The following NIPSNAP2 variants were observed in gnomAD, a reference collection of about 807,000 sequenced individuals.
NIPSNAP2 encodes the protein nipsnap homolog 2, also known as protein NipSnap homolog 2.
NIPSNAP2 carries 42 observed loss-of-function variants against 48.4 expected under a neutral mutation model. That is an observed-to-expected ratio of 0.87 (90% CI 0.68 to 1.12). NIPSNAP2 has a LOEUF of 1.12. NIPSNAP2 is among the 50% of genes most tolerant of loss of function. The probability of loss-of-function intolerance (pLI) is 0.00; values close to 1 mark genes in which losing one functional copy is unlikely to be tolerated. For missense variants in NIPSNAP2, 314 were observed against 347.3 expected (o/e 0.90, Z 0.76); for synonymous variants, 158 against 126.6 (o/e 1.25, Z -1.67).
chr7:55,981,953 C>G, intron 4 of NIPSNAP2: 1 of 328,578 alleles, frequency 3.0e-6, no homozygotes, highest in Non-Finnish European at 5.7e-6. Context: ...AATACAGGTG[C>G]CCACCACCAC....
At chr7:55,970,668 C>T (rs1434242387) in intron 1 of NIPSNAP2, among the ~76,000 whole-genome samples, 1 of 152,084 alleles carries the variant, frequency 6.6e-6, no homozygotes, top group South Asian at 2.1e-4. Flanking sequence ...AGAATAAAGT[C>T]GCCCTCGCCT....
chr7:55,984,764 A>C (rs559014068), intron 6 of NIPSNAP2, 83 bp from the exon 7 acceptor site: 8 of 1,106,848 alleles, frequency 7.2e-6, no homozygotes, highest in Non-Finnish European at 1.1e-5. Context: ...TTGTCACTTA[A>C]TGTTTTTTCT....
At position 55,964,622 on chromosome 7, in the gene NIPSNAP2, G is replaced by A. The variant is rs990658086; in HGVS notation, c.13G>A (p.Val5Met). 5 of 1,051,672 alleles carry A rather than the reference G, an allele frequency of 4.8e-6. No homozygotes were observed. The highest frequency in any genetic ancestry group is 5.7e-6 in the Non-Finnish European group (5 of 874,390). The allele number at this position is 1,051,672 out of a possible 1,614,324, so 65.1% of individuals were successfully genotyped here. The change falls in exon 1 of 10, where the codon GTG (valine) becomes ATG (methionine). Residue 5 changes from valine to methionine, a missense_variant. Val to Met is a conservative substitution (Grantham distance 21, BLOSUM62 1). Coordinates refer to ENST00000322090, the MANE Select transcript of NIPSNAP2 (RefSeq NM_001483.3). ...GGCGCCGAGCAAGATGGCGGCGCGA[G>A]TGCTGCGCGCCCGCGGAGCGGCCTG... MAARVLRARGAAWAG... is the reference protein window; with the variant it reads MAARMLRARGAAWAG...
intron 1 of NIPSNAP2, among the ~76,000 whole-genome samples, chr7:55,969,547 A>G (rs928781417): frequency 1.2e-4 from 18 of 152,068 alleles, no homozygotes; most frequent in African/African-American, 4.3e-4. Context: ...TCCTTGTGTC[A>G]TCATTGAAGA....
At chr7:55,968,389 T>C (rs1024760649) in intron 1 of NIPSNAP2, among the ~76,000 whole-genome samples, 5 of 151,464 alleles carry the variant, frequency 3.3e-5, no homozygotes, top group Non-Finnish European at 5.9e-5. Flanking sequence ...ACTTTCTTTT[T>C]TTTTTTTTTT....
At chr7:55,967,202 G>A (rs2116324753) in intron 1 of NIPSNAP2, among the ~76,000 whole-genome samples, 1 of 152,238 alleles carries the variant, frequency 6.6e-6, no homozygotes, top group East Asian at 1.9e-4. Context: ...TCTTCCTTCT[G>A]TGAAGCCTGC....
intron 1 of NIPSNAP2, among the ~76,000 whole-genome samples, chr7:55,966,882 G>T (rs1269363951): frequency 3.3e-5 from 5 of 152,192 alleles, no homozygotes; most frequent in Non-Finnish European, 7.3e-5. Context: ...GATGTGCAGC[G>T]TATATAGGCT....
intron 6 of NIPSNAP2, among the ~76,000 whole-genome samples, 153 bp downstream of exon 6, chr7:55,984,021 CTG>C (rs1489857513): frequency 6.6e-6 from 1 of 151,740 alleles, no homozygotes; most frequent in African/African-American, 2.4e-5. Context: ...GGGTCTCACA[CTG>C]TCACCAAGGC....
At chr7:55,979,787 C>T (rs1787175238) in intron 3 of NIPSNAP2, 1 of 456,680 alleles carries the variant, frequency 2.2e-6, no homozygotes, top group Non-Finnish European at 4.4e-6. Flanking sequence ...AACATAAAGA[C>T]TTAACTCCTG....
rs773103909 is a variant in NIPSNAP2 at position 55,997,445 on chromosome 7, C to A, written c.792C>A (p.Tyr264Ter). The stretch of plus-strand genomic sequence containing the variant: ...ATGGCTGGGAGGAATTGGTATATTA[C>A]ACAGGTAATCTCTTAACAGCCATGA... ...HKHGWEELVY[Y>*]TVPLIQEMES... The change falls in exon 9 of 10, where the codon TAC becomes TAA. Residue 264 changes from tyrosine (Y) to a stop codon, truncating the protein, a stop_gained. Coordinates refer to ENST00000322090, the MANE Select transcript of NIPSNAP2 (RefSeq NM_001483.3). LOFTEE classifies it high-confidence loss of function. 6 of 1,607,358 alleles carry A rather than the reference C, an allele frequency of 3.7e-6. No homozygotes were observed. In the East Asian group the frequency reaches 1.3e-4, roughly 36 times the overall value.
At chr7:55,984,279 A>C (rs947915989) in intron 6 of NIPSNAP2, among the ~76,000 whole-genome samples, 4 of 152,210 alleles carry the variant, frequency 2.6e-5, no homozygotes, top group Admixed American at 2.0e-4. Flanking sequence ...GACTAGAAAG[A>C]AAGCCCCACA....
chr7:55,996,285 C>CA (rs11464121), intron 8 of NIPSNAP2, among the ~76,000 whole-genome samples: 28,979 of 109,456 alleles, frequency 0.26, 3,345 homozygotes, highest in East Asian at 0.42. Context: ...GACTCCGTCT[C>CA]AAAAAAAAAA....
chr7:55,981,231 T>A (rs1267775825), intron 3 of NIPSNAP2: 1 of 297,818 alleles, frequency 3.4e-6, no homozygotes, highest in Non-Finnish European at 6.3e-6. Context: ...ATCATTATAC[T>A]GATTGAACAA....
chr7:55,997,323 G>A (rs761933729), intron 8 of NIPSNAP2, 43 bp from the exon 9 acceptor site: 2 of 1,361,648 alleles, frequency 1.5e-6, no homozygotes, highest in Non-Finnish European at 1.1e-6. Flanking sequence ...GGAATGCAGT[G>A]TATGTGTTTT....
chr7:55,999,766 G>A lies in NIPSNAP2; in HGVS notation c.*694G>A, dbSNP rs1057484092. The A allele has an allele frequency of 2.0e-5, 3 of 152,214 alleles. No homozygotes were observed. The highest frequency in any genetic ancestry group is 7.2e-5 in the African/African-American group (3 of 41,434). The allele number at this position is 152,214 out of a possible 1,614,324, so 9.4% of individuals were successfully genotyped here. Reference sequence around the variant, plus strand: ...GATTTTGAAATGAACACCTTGAATAGCACTAATTTTTATTTGTGGTATTTT... The same window carrying A: ...GATTTTGAAATGAACACCTTGAATAACACTAATTTTTATTTGTGGTATTTT... On this transcript the variant is annotated 3_prime_UTR_variant, in exon 10 of 10. Coordinates refer to ENST00000322090, the MANE Select transcript of NIPSNAP2 (RefSeq NM_001483.3).
intron 1 of NIPSNAP2, among the ~76,000 whole-genome samples, chr7:55,968,420 C>T (rs1261767383): frequency 2.7e-5 from 4 of 149,432 alleles, no homozygotes; most frequent in Non-Finnish European, 5.9e-5. Context: ...GAGTCTCGCT[C>T]TGTCACCCAG....
intron 3 of NIPSNAP2, chr7:55,981,044 C>T (rs3816089): frequency 0.041 from 6,284 of 152,724 alleles, 161 homozygotes; most frequent in Admixed American, 0.06. Flanking sequence ...ACATTACTTT[C>T]CTCCCTTTCC....
chr7:55,997,313 G>A, intron 8 of NIPSNAP2, 53 bp from the exon 9 acceptor site: 1 of 1,257,714 alleles, frequency 8.0e-7, no homozygotes, highest in Non-Finnish European at 1.2e-6. Context: ...ATGTATGGGT[G>A]GAATGCAGTG....
intron 7 of NIPSNAP2, 84 bp from the exon 8 acceptor site, chr7:55,994,810 T>A (rs1443897236): frequency 9.0e-7 from 1 of 1,113,672 alleles, no homozygotes; most frequent in African/African-American, 1.5e-5. Context: ...CAGCCTGCCC[T>A]GAGTATGGTG....
Sources: gnomAD v4.1 joint callset for allele counts (sites outside exome capture counted in the v4.1 genomes callset) on GRCh38, gnomAD v4.1.1 for gene constraint, MANE v1.5 for transcripts, NCBI Gene and HGNC (gene_info 2026-07-23, HGNC 2026-07-21) for gene names.